The following TASOR variants were observed in gnomAD, a reference collection of about 807,000 sequenced individuals.
TASOR encodes transcription activation suppressor.
A neutral mutation model predicts 178.6 loss-of-function variants in TASOR; 53 were observed. That is an observed-to-expected ratio of 0.30 (90% CI 0.24 to 0.37). TASOR has a LOEUF of 0.37. Among genes scored for constraint, TASOR ranks in the 10% least tolerant of loss-of-function variants. The probability of loss-of-function intolerance (pLI) is 1.00; values close to 1 mark genes in which losing one functional copy is unlikely to be tolerated. For synonymous variants in TASOR, 713 were observed against 696.2 expected (o/e 1.02, Z -0.38); for missense variants, 1,815 against 1,971.4 (o/e 0.92, Z 1.50).
At chr3:56,680,384 T>C (rs959421993) in intron 1 of TASOR, among the ~76,000 whole-genome samples, 1 of 152,320 alleles carries the variant, frequency 6.6e-6, no homozygotes, top group East Asian at 1.9e-4. Flanking sequence ...ATGGCAGTTA[T>C]TTTGGATGTC....
At position 56,641,513 on chromosome 3, in the gene TASOR, T is replaced by C. The variant is rs1178692442; in HGVS notation, c.2455A>G (p.Thr819Ala). ...TGCTCATAGTCTTTCTTATCTGGGGTAGAGTTCAACTCATACTCATGTTTT... is the reference window on the plus strand; with the variant it reads ...TGCTCATAGTCTTTCTTATCTGGGGCAGAGTTCAACTCATACTCATGTTTT... ...RQKHEYELNS[T>A]PDKKDYEQPT... Residue 819 changes from threonine (T) to alanine (A), a missense_variant, in exon 15 of 24, where the codon ACC becomes GCC. By Grantham distance (58) the Thr-to-Ala change is moderately conservative. Transcript: ENST00000683822. 1 of 1,613,896 alleles carries C rather than the reference T, an allele frequency of 6.2e-7. No homozygotes were observed. The highest frequency in any genetic ancestry group is 8.5e-7 in the Non-Finnish European group (1 of 1,179,880).
intron 1 of TASOR, among the ~76,000 whole-genome samples, chr3:56,678,747 A>C (rs1578309733): frequency 6.6e-6 from 1 of 152,206 alleles, no homozygotes; most frequent in Non-Finnish European, 1.5e-5. Flanking sequence ...GTGGCGGCTC[A>C]TGCCTGTAAT....
chr3:56,623,961 GCTT>G (rs937062233), intron 23 of TASOR: 12 of 767,326 alleles, frequency 1.6e-5, no homozygotes, highest in Non-Finnish European at 8.0e-6. Flanking sequence ...GATCATTTCT[GCTT>G]TTTTTCATCA....
intron 14 of TASOR, among the ~76,000 whole-genome samples, chr3:56,646,246 C>T (rs1398545119): frequency 9.9e-5 from 15 of 152,192 alleles, no homozygotes. Context: ...TGTACCAGGG[C>T]AGGAATTGTA....
At chr3:56,632,838 A>T (rs1035288981) in intron 18 of TASOR, among the ~76,000 whole-genome samples, 13 of 152,068 alleles carry the variant, frequency 8.5e-5, no homozygotes, top group African/African-American at 2.9e-4. Flanking sequence ...ATGTCTTGTT[A>T]TGTTGCCCAG....
intron 11 of TASOR, among the ~76,000 whole-genome samples, chr3:56,653,823 T>C (rs17216747): frequency 0.05 from 7,641 of 151,912 alleles, 473 homozygotes; most frequent in East Asian, 0.31. Context: ...TAAAAAAAAA[T>C]TGGAAACTAA....
intron 7 of TASOR, among the ~76,000 whole-genome samples, chr3:56,665,074 G>C (rs375847487): frequency 6.6e-6 from 1 of 152,076 alleles, no homozygotes; most frequent in South Asian, 2.1e-4. Context: ...TGGGAGGATC[G>C]CTTGCACACA....
At chr3:56,670,384 T>C (rs2107628599) in intron 3 of TASOR, among the ~76,000 whole-genome samples, 1 of 152,200 alleles carries the variant, frequency 6.6e-6, no homozygotes, top group African/African-American at 2.4e-5. Context: ...AGAGATAGGG[T>C]CTCCCTCTGC....
chr3:56,682,861 G>A lies in TASOR; in HGVS notation c.146C>T (p.Ala49Val), dbSNP rs997092915. 1.3e-6 allele frequency: 2 copies of A among 1,549,954 alleles called. No individual in the cohort carries two copies. Among genetic ancestry groups the A allele is most frequent in the Admixed American group, 2.0e-5 (1 of 50,980 alleles). ...ACGCCCAGCGCCGCCGCTGGGCTCA[G>A]CGATGTTGAGGCCGCCGCCGCCGCC... Reference protein sequence around the residue: ...QNGGGGGLNIAEPSGGAGREE... With the variant: ...QNGGGGGLNIVEPSGGAGREE... The change falls in exon 1 of 24, where the codon GCT becomes GTT. Residue 49 changes from alanine (A) to valine (V), a missense_variant. Physicochemically the swap from Ala to Val is moderately conservative, Grantham distance 64. Coordinates refer to ENST00000683822, the MANE Select transcript of TASOR (RefSeq NM_001365635.2).
chr3:56,663,849 C>T, intron 7 of TASOR: 3 of 995,136 alleles, frequency 3.0e-6, no homozygotes, highest in Non-Finnish European at 3.6e-6. Flanking sequence ...CAGTGTCCAC[C>T]AAAGTCTCTT....
intron 13 of TASOR, among the ~76,000 whole-genome samples, chr3:56,647,921 G>A (rs11715395): frequency 0.32 from 48,992 of 152,112 alleles, 8,386 homozygotes; most frequent in East Asian, 0.49. Flanking sequence ...CTCACAGACC[G>A]GGAATAGTGG....
intron 18 of TASOR, among the ~76,000 whole-genome samples, chr3:56,631,514 A>G (rs567153832): frequency 3.3e-5 from 5 of 152,278 alleles, no homozygotes; most frequent in Admixed American, 3.3e-4. Context: ...TACTGGTAAC[A>G]AACTTACGTA....
chr3:56,673,520 T>G (rs2030962942), intron 2 of TASOR, 60 bp downstream of exon 2: 1 of 1,329,248 alleles, frequency 7.5e-7, no homozygotes, highest in Non-Finnish European at 9.9e-7. Flanking sequence ...GAACATTTTT[T>G]TCCCAGGCTG....
intron 17 of TASOR, among the ~76,000 whole-genome samples, chr3:56,637,466 A>G (rs2077040194): frequency 6.6e-6 from 1 of 152,168 alleles, no homozygotes; most frequent in South Asian, 2.1e-4. Context: ...GGTTGCAGTG[A>G]ACCAAGATCA....
chr3:56,657,059 G>T (rs1284047284), intron 11 of TASOR, among the ~76,000 whole-genome samples: 1 of 151,774 alleles, frequency 6.6e-6, no homozygotes, highest in Non-Finnish European at 1.5e-5. Flanking sequence ...GCCAGGCACG[G>T]TGGCTCACGC....
intron 11 of TASOR, among the ~76,000 whole-genome samples, chr3:56,656,180 T>C (rs1277280358): frequency 6.6e-6 from 1 of 152,122 alleles, no homozygotes; most frequent in Non-Finnish European, 1.5e-5. Flanking sequence ...CCCCCAAAAA[T>C]GTACAAAAAT....
In TASOR at chr3:56,638,700, T is replaced by C. The variant is rs757344703; in HGVS notation, c.2824+6A>G. The C allele has an allele frequency of 6.2e-7, 1 of 1,614,116 alleles. No individual in the cohort carries two copies. Among genetic ancestry groups the C allele is most frequent in the Non-Finnish European group, 8.5e-7 (1 of 1,179,966 alleles). On this transcript the variant is annotated splice_donor_region_variant and intron_variant, in intron 17 of 23. Coordinates refer to ENST00000683822, the MANE Select transcript of TASOR (RefSeq NM_001365635.2). ...CTGGGAAGAAAAGCAAAGCAAGCCT[T>C]CTCACCTGGTGTTTGTTTCTCACCA...
At chr3:56,668,613 A>T in intron 5 of TASOR, 55 bp from the exon 6 acceptor site, 2 of 1,207,546 alleles carry the variant, frequency 1.7e-6, no homozygotes, top group Non-Finnish European at 2.3e-6. Context: ...TTGACTATAT[A>T]ACATTAATAT....
intron 11 of TASOR, among the ~76,000 whole-genome samples, chr3:56,654,234 T>C (rs1267306998): frequency 1.3e-5 from 2 of 151,972 alleles, no homozygotes; most frequent in Non-Finnish European, 2.9e-5. Context: ...GCCACTGCAC[T>C]CTGGCCTGGG....
Sources: allele counts gnomAD v4.1 joint callset (sites outside exome capture counted in the v4.1 genomes callset), GRCh38; gene constraint gnomAD v4.1.1; transcripts MANE v1.5; gene names NCBI Gene and HGNC (gene_info 2026-07-23, HGNC 2026-07-21).